Variants in FRY observed in about 807,000 individuals in gnomAD.
FRY encodes protein furry homolog.
In FRY, 128 loss-of-function variants were observed where a neutral mutation model predicts 348.4. The ratio of observed to expected loss-of-function variants is 0.37; its 90% CI spans 0.32 to 0.43. FRY has a LOEUF of 0.43. FRY is among the 20% of genes least tolerant of loss of function. The pLI is 1.00. For missense variants in FRY, 2,736 were observed against 3,695.2 expected (o/e 0.74, Z 6.73); for synonymous variants, 1,370 against 1,374.7 (o/e 1.00, Z 0.08).
chr13:32,041,516 A>T (rs553733343), intron 1 of FRY, among the ~76,000 whole-genome samples: 2 of 151,256 alleles, frequency 1.3e-5, no homozygotes, highest in East Asian at 3.9e-4. Flanking sequence ...CTGGTCTTAA[A>T]CTTCTGACCT....
intron 1 of FRY, among the ~76,000 whole-genome samples, chr13:32,057,177 TA>T (rs1298131833): frequency 1.2e-3 from 177 of 152,114 alleles, no homozygotes; most frequent in African/African-American, 4.1e-3. Flanking sequence ...TTTTATTTTT[TA>T]TTTTTTTTTT....
At chr13:32,265,334 C>A in intron 53 of FRY, 116 bp from the exon 54 acceptor site, 2 of 974,474 alleles carry the variant, frequency 2.1e-6, no homozygotes, top group Non-Finnish European at 1.6e-6. Flanking sequence ...AAACAAATGT[C>A]CCCATTTCTA....
At chr13:32,135,613 G>A (rs1879667054) in intron 10 of FRY, among the ~76,000 whole-genome samples, 1 of 152,192 alleles carries the variant, frequency 6.6e-6, no homozygotes, top group Admixed American at 6.5e-5. Flanking sequence ...GAAATAGACA[G>A]TTGCCCATAG....
At chr13:32,227,457 A>G in intron 39 of FRY, among the ~76,000 whole-genome samples, 1 of 152,216 alleles carries the variant, frequency 6.6e-6, no homozygotes, top group East Asian at 1.9e-4. Flanking sequence ...TATCAGACAC[A>G]CACCAGCACT....
chr13:32,189,962 A>C (rs948503130), intron 28 of FRY, among the ~76,000 whole-genome samples: 4 of 152,032 alleles, frequency 2.6e-5, no homozygotes, highest in African/African-American at 9.7e-5. Context: ...ACCATGGTCA[A>C]ATTGGGTTTA....
At chr13:32,256,460 A>G (rs891462584) in intron 51 of FRY, among the ~76,000 whole-genome samples, 1 of 152,012 alleles carries the variant, frequency 6.6e-6, no homozygotes, top group African/African-American at 2.4e-5. Context: ...GCTTAAGCCC[A>G]GGAGGTCAAG....
intron 38 of FRY, among the ~76,000 whole-genome samples, chr13:32,225,488 G>T (rs1885534689): frequency 6.6e-6 from 1 of 152,184 alleles, no homozygotes; most frequent in Non-Finnish European, 1.5e-5. Flanking sequence ...GAATCTTTCA[G>T]TAACAGGGAT....
At chr13:32,129,817 A>G (rs1879237350) in intron 7 of FRY, among the ~76,000 whole-genome samples, 1 of 152,228 alleles carries the variant, frequency 6.6e-6, no homozygotes, top group Admixed American at 6.5e-5. Context: ...AATGGACACC[A>G]TGTTACCTCC....
intron 1 of FRY, chr13:32,061,204 T>C (rs758590202): frequency 1.9e-6 from 1 of 529,936 alleles, no homozygotes; most frequent in Non-Finnish European, 3.9e-6. Flanking sequence ...AGTGGCTAAC[T>C]GGTTGTTAAA....
chr13:32,050,547 T>G (rs1439565813), intron 1 of FRY, among the ~76,000 whole-genome samples: 1 of 152,198 alleles, frequency 6.6e-6, no homozygotes, highest in African/African-American at 2.4e-5. Context: ...TAAACCCTTC[T>G]AGGAGAAAAT....
At chr13:32,214,728 C>T (rs1884884734) in intron 35 of FRY, among the ~76,000 whole-genome samples, 1 of 152,168 alleles carries the variant, frequency 6.6e-6, no homozygotes, top group Non-Finnish European at 1.5e-5. Flanking sequence ...TCTTGGAGGA[C>T]AGCAATTTAC....
intron 2 of FRY, among the ~76,000 whole-genome samples, chr13:32,083,411 T>C (rs1379182506): frequency 2.0e-5 from 3 of 152,202 alleles, no homozygotes; most frequent in African/African-American, 7.2e-5. Context: ...ATAACACTAC[T>C]TCTTGTGTCT....
At chr13:32,265,177 T>C (rs997145358) in intron 53 of FRY, among the ~76,000 whole-genome samples, 2 of 152,232 alleles carry the variant, frequency 1.3e-5, no homozygotes, top group African/African-American at 4.8e-5. Context: ...TTAGCGTTCA[T>C]ACCCTATAAG....
At chr13:32,088,869 A>AC (rs1346390816) in intron 2 of FRY, among the ~76,000 whole-genome samples, 16 of 152,302 alleles carry the variant, frequency 1.1e-4, no homozygotes, top group African/African-American at 3.6e-4. Context: ...ACAAAACCAG[A>AC]CAAAGGTAAT....
chr13:32,065,432 A>G (rs1874195464), intron 1 of FRY, among the ~76,000 whole-genome samples: 2 of 150,144 alleles, frequency 1.3e-5, no homozygotes, highest in Admixed American at 6.7e-5. Flanking sequence ...CAGCCTCCTG[A>G]GTAGCTGGGA....
intron 2 of FRY, among the ~76,000 whole-genome samples, chr13:32,084,964 C>T (rs1007444814): frequency 6.6e-6 from 1 of 152,046 alleles, no homozygotes; most frequent in Non-Finnish European, 1.5e-5. Context: ...ATGGACAGTA[C>T]ATGCTTTTTG....
intron 18 of FRY, among the ~76,000 whole-genome samples, chr13:32,171,991 G>A (rs1479169764): frequency 8.8e-4 from 2 of 2,282 alleles, no homozygotes; most frequent in Admixed American, 9.9e-3. Context: ...GGATGTGGAT[G>A]TGGATATACA....
chr13:32,209,851 A>G (rs1350617239), intron 33 of FRY, 120 bp downstream of exon 33: 1 of 982,920 alleles, frequency 1.0e-6, no homozygotes, highest in Non-Finnish European at 1.6e-6. Context: ...AGTCACATGA[A>G]TCTCCTGTGA....
chr13:32,247,939 C>G (rs2254299), intron 48 of FRY, among the ~76,000 whole-genome samples: 72,674 of 152,042 alleles, frequency 0.48, 18,858 homozygotes, highest in Middle Eastern at 0.66. Flanking sequence ...ATTTTTTAAA[C>G]AAGTAAAACT....
Sources: allele counts gnomAD v4.1 joint callset (sites outside exome capture counted in the v4.1 genomes callset), GRCh38; gene constraint gnomAD v4.1.1; transcripts MANE v1.5; gene names NCBI Gene and HGNC (gene_info 2026-07-23, HGNC 2026-07-21).